Variants in MGAM observed in about 807,000 individuals in gnomAD.
MGAM encodes the protein alpha-1,4-glucosidase.
Under a neutral mutation model 358.8 loss-of-function variants are expected in MGAM, and 253 were observed. The observed-to-expected ratio is 0.71, with a 90% CI of 0.64 to 0.78. MGAM has a LOEUF of 0.78. Among genes scored for constraint, MGAM ranks in the 30% least tolerant of loss-of-function variants. The probability of loss-of-function intolerance (pLI) is 0.00; values close to 1 mark genes in which losing one functional copy is unlikely to be tolerated. For missense variants in MGAM, 3,080 were observed against 3,432.6 expected (o/e 0.90, Z 2.57); for synonymous variants, 1,105 against 1,227.1 (o/e 0.90, Z 2.08).
rs367696828 is a variant in MGAM at position 142,034,620 on chromosome 7, G to A, written c.1788-50G>A. 3.2e-5 allele frequency: 49 copies of A among 1,545,452 alleles called. 1 individual carries two copies. The African/African-American group carries it at 4.2e-4, about 13-fold the overall frequency. On this transcript the variant is annotated intron_variant, in intron 15 of 70. Coordinates refer to ENST00000475668, the MANE Select transcript of MGAM (RefSeq NM_001365693.1). ...GTATTGTTGCTGTATCCCCTTGGCT[G>A]AGACAAGCTAAGATCCCACATTGAC...
chr7:142,050,409 T>G (rs1810832166), intron 23 of MGAM, 125 bp downstream of exon 23: 1 of 1,156,472 alleles, frequency 8.6e-7, no homozygotes, highest in African/African-American at 1.5e-5. Flanking sequence ...TGGCTATAGG[T>G]GAGTACATTT....
rs186514854 is a variant in MGAM at position 142,033,681 on chromosome 7, A to G, written c.1670-581A>G. On this transcript the variant is annotated intron_variant, in intron 14 of 70. Coordinates refer to ENST00000475668, the MANE Select transcript of MGAM (RefSeq NM_001365693.1). The stretch of plus-strand genomic sequence containing the variant: ...TCTTTTAGTAATAGAGAAGCATGGT[A>G]GTCAGATGATTTTGGAAATATGAAC... Among the ~76,000 whole-genome samples the G allele has an allele frequency of 6.6e-5, 10 of 152,316 alleles. No individual in the cohort carries two copies. In the East Asian group the frequency reaches 1.5e-3, roughly 24 times the overall value.
intron 10 of MGAM, among the ~76,000 whole-genome samples, chr7:142,028,047 A>G (rs186550152): frequency 6.6e-6 from 1 of 152,170 alleles, no homozygotes; most frequent in East Asian, 1.9e-4. Flanking sequence ...TGTATTGACT[A>G]CATTTTACAG....
chr7:142,060,786 C>T (rs541793059), intron 34 of MGAM, among the ~76,000 whole-genome samples: 11 of 152,230 alleles, frequency 7.2e-5, no homozygotes, highest in Admixed American at 5.2e-4. Context: ...CTTCAACCCT[C>T]GAAGACTGAC....
intron 31 of MGAM, among the ~76,000 whole-genome samples, chr7:142,058,664 C>T (rs1376282327): frequency 6.6e-6 from 1 of 152,142 alleles, no homozygotes; most frequent in African/African-American, 2.4e-5. Flanking sequence ...AAAGTATATC[C>T]CACAGTTCTT....
chr7:142,059,754 A>T, intron 32 of MGAM, 102 bp from the exon 33 acceptor site: 1 of 1,565,924 alleles, frequency 6.4e-7, no homozygotes, highest in Non-Finnish European at 8.7e-7. Flanking sequence ...TCTACTGTGC[A>T]GGTAGAAGCC....
upstream of MGAM, among the ~76,000 whole-genome samples, chr7:141,992,716 G>A (rs1362014882): frequency 6.6e-6 from 1 of 152,058 alleles, no homozygotes; most frequent in Non-Finnish European, 1.5e-5. Flanking sequence ...CAAGTAGCTG[G>A]GACTACAGGT....
intron 21 of MGAM, among the ~76,000 whole-genome samples, chr7:142,045,146 C>CGTGCA (rs1809915812): frequency 1.3e-5 from 1 of 77,560 alleles, no homozygotes; most frequent in Admixed American, 2.1e-4. Context: ...TATTATATAT[C>CGTGCA]ATATATGTGA....
At chr7:142,105,711 A>G (rs1414093156) in intron 70 of MGAM, 103 bp from the exon 71 acceptor site, 3 of 808,164 alleles carry the variant, frequency 3.7e-6, no homozygotes, top group Non-Finnish European at 6.4e-6. Flanking sequence ...TACAATGTAG[A>G]AGTATTAGGG....
At chr7:142,020,381 C>A (rs1047931998) in intron 4 of MGAM, among the ~76,000 whole-genome samples, 2 of 151,780 alleles carry the variant, frequency 1.3e-5, no homozygotes, top group Non-Finnish European at 2.9e-5. Context: ...GACTGATGGG[C>A]CTGTGGAATG....
chr7:142,003,916 A>G (rs1471494940), intron 1 of MGAM, among the ~76,000 whole-genome samples: 1 of 152,068 alleles, frequency 6.6e-6, no homozygotes, highest in Non-Finnish European at 1.5e-5. Flanking sequence ...AAAGGCATAC[A>G]AGTGGCCAAA....
chr7:142,030,524 G>T, intron 11 of MGAM, 31 bp downstream of exon 11: 1 of 1,612,830 alleles, frequency 6.2e-7, no homozygotes. Flanking sequence ...ACCAAATTAG[G>T]TATTTGCTCC....
intron 10 of MGAM, 83 bp downstream of exon 10, chr7:142,027,818 G>T (rs1807113668): frequency 8.2e-6 from 11 of 1,333,538 alleles, no homozygotes; most frequent in Non-Finnish European, 9.8e-6. Context: ...TTCTCTCCCT[G>T]AGTTTAATTG....
At chr7:142,020,937 A>C in intron 4 of MGAM, 37 bp from the exon 5 acceptor site, 3 of 1,379,676 alleles carry the variant, frequency 2.2e-6, no homozygotes, top group Non-Finnish European at 3.1e-6. Context: ...GAATTTGCAG[A>C]GTCAACTATG....
intron 17 of MGAM, 25 bp downstream of exon 17, chr7:142,036,310 A>G (rs1807989813): frequency 6.4e-7 from 1 of 1,550,828 alleles, no homozygotes; most frequent in African/African-American, 1.4e-5. Context: ...ACATAGAGTC[A>G]GAATAAATTT....
At chr7:142,047,965 A>C in intron 22 of MGAM, 92 bp downstream of exon 22, 1 of 1,003,586 alleles carries the variant, frequency 1.0e-6, no homozygotes, top group Non-Finnish European at 1.5e-6. Context: ...TGTGGGAGAA[A>C]TCTCAGTAGG....
At chr7:142,105,752 T>C in intron 70 of MGAM, 62 bp from the exon 71 acceptor site, 1 of 1,277,332 alleles carries the variant, frequency 7.8e-7, no homozygotes, top group Non-Finnish European at 1.1e-6. Context: ...TGCACCTGAT[T>C]TATTTGCATG....
chr7:142,085,911 G>T lies in MGAM; in HGVS notation c.6586G>T (p.Ala2196Ser). The T allele has an allele frequency of 1.3e-6, 2 of 1,566,332 alleles. No individual in the cohort carries two copies. The highest frequency in any genetic ancestry group is 2.2e-5 in the South Asian group (2 of 89,360). ...CAGCCCCAAGTTTGCCGGGTTTCCAGCTCTGATCAATCGCATGAAGGCTGA... is the reference window on the plus strand; with the variant it reads ...CAGCCCCAAGTTTGCCGGGTTTCCATCTCTGATCAATCGCATGAAGGCTGA... ...TLSPKFAGFP[A>S]LINRMKADGM... Residue 2196 changes from alanine to serine, a missense_variant, in exon 55 of 71, where the codon GCT becomes TCT. Physicochemically the swap from Ala to Ser is moderately conservative, Grantham distance 99. Coordinates refer to ENST00000475668, the MANE Select transcript of MGAM (RefSeq NM_001365693.1).
chr7:142,063,642 G>A, intron 36 of MGAM, 56 bp downstream of exon 36: 1 of 1,571,850 alleles, frequency 6.4e-7, no homozygotes, highest in Non-Finnish European at 8.7e-7. Context: ...GATTACACTG[G>A]AGGAGCCCGA....
Sources: gnomAD v4.1 joint callset for allele counts (sites outside exome capture counted in the v4.1 genomes callset) on GRCh38, gnomAD v4.1.1 for gene constraint, MANE v1.5 for transcripts, NCBI Gene and HGNC (gene_info 2026-07-23, HGNC 2026-07-21) for gene names.